SEMA3D: variants seen among roughly 807,000 people sequenced by gnomAD.
SEMA3D encodes the protein semaphorin-3D.
A neutral mutation model predicts 100.1 loss-of-function variants in SEMA3D; 84 were observed. That is an observed-to-expected ratio of 0.84 (90% confidence interval 0.70 to 1.01). The LOEUF is 1.01. SEMA3D is among the 50% of genes least tolerant of loss of function. The pLI is 0.00. For synonymous variants in SEMA3D, 312 were observed against 320.7 expected (o/e 0.97, Z 0.29); for missense variants, 875 against 934.1 (o/e 0.94, Z 0.82).
intron 9 of SEMA3D, among the ~76,000 whole-genome samples, chr7:85,053,746 T>G (rs920085190): frequency 1.3e-5 from 2 of 152,090 alleles, no homozygotes; most frequent in South Asian, 4.1e-4. Flanking sequence ...TGAGAAATTC[T>G]GAAGATGTGC....
At chr7:85,195,598 A>C in the SEMA3D span, among the ~76,000 whole-genome samples, 2 of 152,084 alleles carry the variant, frequency 1.3e-5, no homozygotes, top group Non-Finnish European at 2.9e-5. Flanking sequence ...GGCTATAGGC[A>C]TGGGACACCT....
chr7:85,202,158 C>T, the SEMA3D span, among the ~76,000 whole-genome samples: 3 of 150,884 alleles, frequency 2.0e-5, no homozygotes, highest in South Asian at 4.2e-4. Flanking sequence ...GCTGCACCCA[C>T]TAACTCGTCA....
the SEMA3D span, among the ~76,000 whole-genome samples, chr7:85,247,613 A>C: frequency 1.3e-5 from 2 of 152,124 alleles, no homozygotes; most frequent in African/African-American, 4.8e-5. Flanking sequence ...AGGAAAAACA[A>C]AGTAGAAGGA....
In SEMA3D at chr7:85,049,235, T is replaced by C. The variant is rs554787991; in HGVS notation, c.861+6482A>G. On this transcript the variant is annotated intron_variant, in intron 9 of 18. Coordinates refer to ENST00000284136, the MANE Select transcript of SEMA3D (RefSeq NM_001384900.1). The stretch of plus-strand genomic sequence containing the variant: ...AACACACTAACTTTTAAGGGATAAA[T>C]TCTATAGAGGCTTTCAAGGCAATTT... Among the ~76,000 whole-genome samples the C allele has an allele frequency of 2.9e-3, 435 of 151,794 alleles. 5 individuals are homozygous for C. Among genetic ancestry groups the C allele is most frequent in the Non-Finnish European group, 4.9e-3 (329 of 67,814 alleles).
chr7:85,231,876 C>T, the SEMA3D span, among the ~76,000 whole-genome samples: 61 of 152,192 alleles, frequency 4.0e-4, 1 homozygote, highest in East Asian at 0.011. Context: ...AAAAGTGGTA[C>T]TGTTTTAGGC....
At chr7:85,125,598 T>G (rs2116415874) in intron 2 of SEMA3D, among the ~76,000 whole-genome samples, 1 of 152,262 alleles carries the variant, frequency 6.6e-6, no homozygotes, top group East Asian at 1.9e-4. Flanking sequence ...CTGCTGGAAC[T>G]TAAAAGCCTT....
At chr7:85,116,959 C>T (rs1468217944) in intron 3 of SEMA3D, among the ~76,000 whole-genome samples, 1 of 152,126 alleles carries the variant, frequency 6.6e-6, no homozygotes, top group Non-Finnish European at 1.5e-5. Flanking sequence ...CAATACCTCC[C>T]ATGCCACAGT....
chr7:85,165,856 A>G (rs904634247), intron 1 of SEMA3D, among the ~76,000 whole-genome samples: 2 of 152,104 alleles, frequency 1.3e-5, no homozygotes, highest in African/African-American at 4.8e-5. Context: ...CAAACACTAC[A>G]AAGTATTTCC....
At chr7:85,087,177 A>G (rs1788243879) in intron 4 of SEMA3D, among the ~76,000 whole-genome samples, 1 of 152,236 alleles carries the variant, frequency 6.6e-6, no homozygotes, top group African/African-American at 2.4e-5. Context: ...GTCCTTTAGA[A>G]AGTCATCCAC....
intron 2 of SEMA3D, chr7:85,151,519 A>G (rs1175840667): frequency 3.6e-6 from 2 of 560,776 alleles, no homozygotes; most frequent in Non-Finnish European, 2.3e-6. Context: ...CTTAATCAGA[A>G]CTAGGGATTA....
intron 4 of SEMA3D, among the ~76,000 whole-genome samples, chr7:85,095,925 C>A (rs1415332962): frequency 2.6e-5 from 4 of 151,918 alleles, no homozygotes; most frequent in African/African-American, 9.7e-5. Flanking sequence ...ATAGTCACAG[C>A]AGGAAGTTAT....
At chr7:85,240,845 C>A in the SEMA3D span, among the ~76,000 whole-genome samples, 1 of 152,000 alleles carries the variant, frequency 6.6e-6, no homozygotes, top group African/African-American at 2.4e-5. Context: ...GTCTTTCTGT[C>A]ATTTCTCTTA....
intron 3 of SEMA3D, among the ~76,000 whole-genome samples, chr7:85,106,499 T>A (rs1283975067): frequency 6.6e-6 from 1 of 152,114 alleles, no homozygotes; most frequent in Admixed American, 6.6e-5. Context: ...ATAAAACAGA[T>A]AACATTATTT....
At position 85,178,634 on chromosome 7, in the gene SEMA3D, T is replaced by A. The variant is rs569678041; in HGVS notation, c.-173+8044A>T. ...CTCAAGAGTAAACAGAGCAAAAAAA[T>A]TTGGAAAATTTGCCTCCTGATGATG... On this transcript the variant is annotated intron_variant, in intron 1 of 18. Coordinates refer to ENST00000284136, the MANE Select transcript of SEMA3D (RefSeq NM_001384900.1). Among the ~76,000 whole-genome samples, 3 of 152,110 alleles carry A rather than the reference T, an allele frequency of 2.0e-5. No homozygotes were observed. In the South Asian group the frequency reaches 6.2e-4, roughly 32 times the overall value.
At chr7:85,113,284 A>C (rs1250510982) in intron 3 of SEMA3D, among the ~76,000 whole-genome samples, 1 of 152,188 alleles carries the variant, frequency 6.6e-6, no homozygotes, top group African/African-American at 2.4e-5. Flanking sequence ...CTTATTATTC[A>C]GGAAAAAAAT....
intron 6 of SEMA3D, among the ~76,000 whole-genome samples, chr7:85,069,605 T>C (rs988285238): frequency 6.6e-6 from 1 of 152,210 alleles, no homozygotes. Context: ...ATTGCTTCTA[T>C]GAAGTTCCTT....
intron 4 of SEMA3D, among the ~76,000 whole-genome samples, chr7:85,089,033 C>T (rs1018698892): frequency 6.6e-6 from 1 of 152,018 alleles, no homozygotes; most frequent in African/African-American, 2.4e-5. Flanking sequence ...AGACCTTTTT[C>T]CAGGTGTAAA....
At chr7:85,181,721 C>A in intron 1 of SEMA3D, 1 of 920,554 alleles carries the variant, frequency 1.1e-6, no homozygotes, top group Non-Finnish European at 1.3e-6. Flanking sequence ...AGAAGGTAAT[C>A]TTTGTAGCTT....
chr7:85,147,979 C>T (rs538646210), intron 2 of SEMA3D, among the ~76,000 whole-genome samples: 133 of 152,212 alleles, frequency 8.7e-4, no homozygotes, highest in African/African-American at 3.0e-3. Flanking sequence ...CTCTCAAACA[C>T]CCACTGCCTA....
Sources: gnomAD v4.1 joint callset for allele counts (sites outside exome capture counted in the v4.1 genomes callset) on GRCh38, gnomAD v4.1.1 for gene constraint, MANE v1.5 for transcripts, NCBI Gene and HGNC (gene_info 2026-07-23, HGNC 2026-07-21) for gene names.